PELI2: variants seen among roughly 807,000 people sequenced by gnomAD.
PELI2 encodes the protein E3 ubiquitin-protein ligase pellino homolog 2.
PELI2 carries 23 observed loss-of-function variants against 42.3 expected under a neutral mutation model. The observed-to-expected ratio is 0.54, with a 90% CI of 0.39 to 0.77. The LOEUF is 0.77. PELI2 is among the 30% of genes least tolerant of loss of function. The pLI is 0.00. For synonymous variants in PELI2, 245 were observed against 212.2 expected, an observed-to-expected ratio of 1.15 and a Z score of -1.34; for missense variants, 463 against 553.2, an observed-to-expected ratio of 0.84 and a Z score of 1.64.
At chr14:56,121,371 TA>T (rs1727902559) in intron 1 of PELI2, among the ~76,000 whole-genome samples, 1 of 152,240 alleles carries the variant, frequency 6.6e-6, no homozygotes, top group African/African-American at 2.4e-5. Flanking sequence ...TAAATACTTC[TA>T]TATCTTTTTG....
In PELI2 at chr14:56,253,417, G is replaced by C. The variant is rs561204591; in HGVS notation, c.208-26259G>C. 1.9e-4 allele frequency among the ~76,000 whole-genome samples: 29 copies of C among 152,280 alleles called. 1 individual carries two copies. In the South Asian group the frequency reaches 5.8e-3, roughly 30 times the overall value. The stretch of plus-strand genomic sequence containing the variant: ...GAAAATAGGAAGTCACATTGCCTCT[G>C]TTTGCAGATGACATGATTGTATATT... On this transcript the variant is annotated intron_variant, in intron 2 of 5. Transcript: ENST00000267460.
chr14:56,226,449 T>A (rs1887358574), intron 2 of PELI2, among the ~76,000 whole-genome samples: 1 of 152,218 alleles, frequency 6.6e-6, no homozygotes, highest in East Asian at 1.9e-4. Flanking sequence ...CTGGTAACAA[T>A]TAATGACACA....
intron 2 of PELI2, among the ~76,000 whole-genome samples, chr14:56,263,691 G>T (rs1399011868): frequency 1.3e-5 from 2 of 152,152 alleles, no homozygotes; most frequent in African/African-American, 4.8e-5. Flanking sequence ...GCAATAAACA[G>T]TTTAAAAATA....
At chr14:56,161,157 A>G (rs1188333982) in intron 1 of PELI2, among the ~76,000 whole-genome samples, 5 of 152,242 alleles carry the variant, frequency 3.3e-5, no homozygotes, top group Admixed American at 2.0e-4. Flanking sequence ...AAGACATGCC[A>G]GGAAATAGCC....
At chr14:56,140,994 G>A (rs925446392) in intron 1 of PELI2, among the ~76,000 whole-genome samples, 4 of 152,090 alleles carry the variant, frequency 2.6e-5, no homozygotes, top group Admixed American at 6.5e-5. Context: ...TTGTTTAGTT[G>A]TCCTGTCTGC....
At chr14:56,198,774 T>C (rs1410578014) in intron 2 of PELI2, among the ~76,000 whole-genome samples, 2 of 152,172 alleles carry the variant, frequency 1.3e-5, no homozygotes, top group Admixed American at 1.3e-4. Flanking sequence ...TGACCCAGTA[T>C]GGTGGGATAT....
rs2139913008 is a variant in PELI2, at chr14:56,297,324, T to G, written c.*158T>G. On this transcript the variant is annotated 3_prime_UTR_variant, in exon 6 of 6. Transcript: ENST00000267460. ...ATGGTGATGAAACATGGCAGGAGTG[T>G]AACAGATACCAGTGGTGTGTTGCAT... 2 of 609,208 alleles carry G rather than the reference T, an allele frequency of 3.3e-6. No individual in the cohort carries two copies. The highest frequency in any genetic ancestry group is 2.8e-5 in the East Asian group (1 of 36,340). 37.7% of individuals were successfully genotyped at this position (609,208 alleles called of 1,614,324 possible).
intron 1 of PELI2, chr14:56,145,070 A>G: frequency 2.0e-6 from 1 of 512,074 alleles, no homozygotes; most frequent in African/African-American, 2.1e-5. Flanking sequence ...TAGGTTCTTT[A>G]TAAAGAAAAG....
intron 2 of PELI2, among the ~76,000 whole-genome samples, chr14:56,243,946 T>C (rs1317344816): frequency 6.6e-6 from 1 of 152,204 alleles, no homozygotes; most frequent in Non-Finnish European, 1.5e-5. Context: ...GGTGATTTAT[T>C]TGTCCGTGGT....
At chr14:56,198,778 G>A (rs920977732) in intron 2 of PELI2, among the ~76,000 whole-genome samples, 9 of 152,164 alleles carry the variant, frequency 5.9e-5, no homozygotes, top group Non-Finnish European at 2.9e-5. Context: ...CCAGTATGGT[G>A]GGATATTGAT....
At chr14:56,275,453 G>C (rs1889258265) in intron 2 of PELI2, among the ~76,000 whole-genome samples, 1 of 152,150 alleles carries the variant, frequency 6.6e-6, no homozygotes, top group Non-Finnish European at 1.5e-5. Context: ...TATAGAATCA[G>C]TGGGAGCCCT....
chr14:56,222,905 T>A (rs1364310375), intron 2 of PELI2, among the ~76,000 whole-genome samples: 1 of 152,078 alleles, frequency 6.6e-6, no homozygotes, highest in Admixed American at 6.6e-5. Flanking sequence ...TGGGCGAAGG[T>A]GTTGATGGAG....
chr14:56,183,826 A>G lies in PELI2; in HGVS notation c.207+5362A>G, dbSNP rs1018137810. 3.3e-5 allele frequency among the ~76,000 whole-genome samples: 5 copies of G among 152,196 alleles called. No homozygotes were observed. The East Asian group carries it at 5.8e-4, about 18-fold the overall frequency. On this transcript the variant is annotated intron_variant, in intron 2 of 5. Transcript: ENST00000267460. Reference sequence around the variant, plus strand: ...GTCATACTCAAGAAAAATGGTTTCAATGAGAAATACTTACATGAAAACCTT... The same window carrying G: ...GTCATACTCAAGAAAAATGGTTTCAGTGAGAAATACTTACATGAAAACCTT...
At chr14:56,164,772 G>A (rs1004581413) in intron 1 of PELI2, among the ~76,000 whole-genome samples, 8 of 151,992 alleles carry the variant, frequency 5.3e-5, no homozygotes, top group African/African-American at 1.9e-4. Flanking sequence ...TGTAAGTTGT[G>A]TGTATCTAGG....
chr14:56,205,726 A>G (rs1482791137), intron 2 of PELI2, among the ~76,000 whole-genome samples: 1 of 152,186 alleles, frequency 6.6e-6, no homozygotes, highest in Non-Finnish European at 1.5e-5. Context: ...GCACAGCACC[A>G]TTGCAAGGGG....
chr14:56,256,457 A>AG (rs1334042832), intron 2 of PELI2, among the ~76,000 whole-genome samples: 1 of 152,140 alleles, frequency 6.6e-6, no homozygotes, highest in South Asian at 2.1e-4. Flanking sequence ...GTCTCAAAAA[A>AG]GAAAAAAAAA....
At position 56,300,926 on chromosome 14, in the gene PELI2, T is replaced by C. The variant is rs1052693071; in HGVS notation, c.*3760T>C. On this transcript the variant is annotated 3_prime_UTR_variant, in exon 6 of 6. Coordinates refer to ENST00000267460, the MANE Select transcript of PELI2 (RefSeq NM_021255.3). ...AAAAGGTTCAGTATTTTCTTTTTAG[T>C]ATAACTTACATCCTTTCAAATAAGT... 3 of 152,230 alleles carry C rather than the reference T, an allele frequency of 2.0e-5. No individual in the cohort carries two copies. The highest frequency in any genetic ancestry group is 4.4e-5 in the Non-Finnish European group (3 of 68,050). 9.4% of individuals were successfully genotyped at this position (152,230 alleles called of 1,614,324 possible). A position where few individuals can be genotyped will look rare whatever the true frequency, so the allele number is the denominator to read the frequency against.
intron 2 of PELI2, among the ~76,000 whole-genome samples, chr14:56,212,091 G>A (rs888102161): frequency 2.6e-5 from 4 of 152,146 alleles, no homozygotes; most frequent in African/African-American, 9.7e-5. Context: ...TGGAGTAGAT[G>A]TCACCAAAGA....
intron 3 of PELI2, among the ~76,000 whole-genome samples, chr14:56,287,740 A>G (rs1054639097): frequency 3.3e-5 from 5 of 152,196 alleles, no homozygotes; most frequent in Admixed American, 6.5e-5. Context: ...TATGAGATTT[A>G]CAAAAGAAAT....
Sources: gnomAD v4.1 joint callset for allele counts (sites outside exome capture counted in the v4.1 genomes callset) on GRCh38, gnomAD v4.1.1 for gene constraint, MANE v1.5 for transcripts, NCBI Gene and HGNC (gene_info 2026-07-23, HGNC 2026-07-21) for gene names.